POMP: variants seen among roughly 807,000 people sequenced by gnomAD.
The protein encoded by POMP is 2510048O06Rik.
A neutral mutation model predicts 20.6 loss-of-function variants in POMP; 12 were observed. That is an observed-to-expected ratio of 0.58 (90% CI 0.37 to 0.94). The LOEUF (loss-of-function observed/expected upper bound fraction) is 0.94. Among genes scored for constraint, POMP ranks in the 40% least tolerant of loss-of-function variants. The pLI is 0.01. For missense variants in POMP, 136 were observed against 161.1 expected (o/e 0.84, Z 0.84); for synonymous variants, 53 against 55.0 (o/e 0.96, Z 0.16).
At chr13:28,675,216 C>T (rs1884609420) in intron 5 of POMP, among the ~76,000 whole-genome samples, 1 of 151,770 alleles carries the variant, frequency 6.6e-6, no homozygotes, top group South Asian at 2.1e-4. Context: ...TCTCGGCTTA[C>T]TGTAACCTCC....
chr13:28,669,017 T>C (rs1453242453), intron 4 of POMP, among the ~76,000 whole-genome samples: 2 of 152,072 alleles, frequency 1.3e-5, no homozygotes, highest in Non-Finnish European at 2.9e-5. Flanking sequence ...GAAAATCCCT[T>C]TATCAATGAT....
chr13:28,659,668 C>T (rs957167626), intron 1 of POMP, among the ~76,000 whole-genome samples: 2 of 152,160 alleles, frequency 1.3e-5, no homozygotes, highest in Non-Finnish European at 2.9e-5. Flanking sequence ...TGTAACGCAG[C>T]TTTGCTCTAC....
intron 3 of POMP, 120 bp downstream of exon 3, chr13:28,664,689 C>T (rs550360789): frequency 3.1e-6 from 2 of 650,530 alleles, no homozygotes; most frequent in South Asian, 4.0e-5. Flanking sequence ...GAATATGAGG[C>T]GTTATTTTCA....
At chr13:28,667,139 A>G (rs1027935604) in intron 3 of POMP, among the ~76,000 whole-genome samples, 5 of 152,198 alleles carry the variant, frequency 3.3e-5, no homozygotes, top group African/African-American at 1.2e-4. Context: ...CACGGTTGCT[A>G]ACTTACATGT....
chr13:28,659,502 G>A (rs1884296440), intron 1 of POMP, among the ~76,000 whole-genome samples: 1 of 152,166 alleles, frequency 6.6e-6, no homozygotes, highest in South Asian at 2.1e-4. Flanking sequence ...AGTGGAAAAG[G>A]CAGCCGTGAA....
chr13:28,664,442 T>G, intron 2 of POMP, 67 bp from the exon 3 acceptor site: 70 of 1,073,078 alleles, frequency 6.5e-5, no homozygotes, highest in Non-Finnish European at 8.8e-5. Context: ...ATAGATATGA[T>G]TTTGAGCTCT....
In POMP at chr13:28,660,406, A is replaced by G. The variant is rs566684160; in HGVS notation, c.3+1219A>G. On this transcript the variant is annotated intron_variant, in intron 1 of 5. Transcript: ENST00000380842. ...TACTTTTTAATAAAGTAGGCTTTGT[A>G]TTAGATGATTTTGGCCGACTGTAGG... Among the ~76,000 whole-genome samples, 12 of 152,334 alleles carry G rather than the reference A, an allele frequency of 7.9e-5. No homozygotes were observed. The East Asian group carries it at 1.7e-3, about 22-fold the overall frequency.
chr13:28,665,203 C>T (rs1329811263), intron 3 of POMP, among the ~76,000 whole-genome samples: 1 of 152,070 alleles, frequency 6.6e-6, no homozygotes, highest in African/African-American at 2.4e-5. Context: ...GTCCAAAACA[C>T]AATTTAAAGG....
intron 4 of POMP, among the ~76,000 whole-genome samples, chr13:28,672,027 G>T (rs561437459): frequency 6.6e-6 from 1 of 152,280 alleles, no homozygotes; most frequent in African/African-American, 2.4e-5. Flanking sequence ...GGAATGAGGC[G>T]TGATGTTAAG....
chr13:28,661,346 G>A (rs1160749301), intron 1 of POMP, among the ~76,000 whole-genome samples: 2 of 152,084 alleles, frequency 1.3e-5, no homozygotes, highest in Admixed American at 6.5e-5. Flanking sequence ...CACGCCTGTA[G>A]TCCCAGCTAC....
intron 5 of POMP, 143 bp downstream of exon 5, chr13:28,672,575 A>G: frequency 1.4e-6 from 1 of 729,130 alleles, no homozygotes; most frequent in Non-Finnish European, 2.5e-6. Flanking sequence ...ATAAAGTTTA[A>G]TGGTAGTAAC....
intron 4 of POMP, 43 bp downstream of exon 4, chr13:28,668,617 A>G (rs755479067): frequency 9.2e-6 from 13 of 1,408,918 alleles, no homozygotes; most frequent in Non-Finnish European, 1.3e-5. Context: ...GATATCATTC[A>G]TGAGGAATCT....
intron 3 of POMP, 82 bp downstream of exon 3, chr13:28,664,651 A>G (rs1884409608): frequency 3.4e-6 from 3 of 877,702 alleles, no homozygotes; most frequent in Admixed American, 2.5e-5. Context: ...TATTAAAACA[A>G]TTTTGGTACT....
chr13:28,661,324 G>T (rs1458000002), intron 1 of POMP, among the ~76,000 whole-genome samples: 5 of 152,046 alleles, frequency 3.3e-5, no homozygotes, highest in African/African-American at 1.2e-4. Context: ...AAATTAGCCA[G>T]GCGTGATGTT....
At chr13:28,668,375 ATTC>A in intron 3 of POMP, 95 bp from the exon 4 acceptor site, 1 of 863,156 alleles carries the variant, frequency 1.2e-6, no homozygotes, top group Non-Finnish European at 1.9e-6. Flanking sequence ...GGATATTAAA[ATTC>A]TTCATCTAAC....
At chr13:28,675,204 G>A (rs755505086) in intron 5 of POMP, among the ~76,000 whole-genome samples, 9 of 151,442 alleles carry the variant, frequency 5.9e-5, no homozygotes, top group Admixed American at 2.0e-4. Context: ...GCAGTGGCGC[G>A]ATCTCGGCTT....
At position 28,662,467 on chromosome 13, in the gene POMP, G is replaced by A; in HGVS notation, c.61G>A (p.Ala21Thr). Residue 21 changes from alanine to threonine, a missense_variant, in exon 2 of 6, where the codon GCA (alanine) becomes ACA (threonine). By Grantham distance (58) the Ala-to-Thr change is moderately conservative. Transcript: ENST00000380842. ...CAGTATTCCAGTTACTGAACTTTCA[G>A]CAAGTGGACCTTTTGAAAGTCATGA... ...KDSIPVTELS[A>T]SGPFESHDLL... The A allele has an allele frequency of 6.2e-7, 1 of 1,613,900 alleles. No individual in the cohort carries two copies. The highest frequency in any genetic ancestry group is 8.5e-7 in the Non-Finnish European group (1 of 1,179,804).
At position 28,672,439 on chromosome 13, in the gene POMP, G is replaced by A; in HGVS notation, c.358+7G>A. The A allele has an allele frequency of 3.2e-6, 5 of 1,566,644 alleles. No individual in the cohort carries two copies. The highest frequency in any genetic ancestry group is 4.4e-6 in the Non-Finnish European group (5 of 1,137,042). ...TTTGAGGATATTCTTAATGGTAAGT[G>A]TCATTCAGCACCTTTTTATGGAGCC... On this transcript the variant is annotated splice_region_variant and intron_variant, in intron 5 of 5. Coordinates refer to ENST00000380842, the MANE Select transcript of POMP (RefSeq NM_015932.6).
chr13:28,675,524 T>C (rs1382090395), intron 5 of POMP, among the ~76,000 whole-genome samples: 3 of 152,186 alleles, frequency 2.0e-5, no homozygotes, highest in Admixed American at 2.0e-4. Context: ...GAACTGTTAT[T>C]GCATAATATA....
Sources: allele counts gnomAD v4.1 joint callset (sites outside exome capture counted in the v4.1 genomes callset), GRCh38; gene constraint gnomAD v4.1.1; transcripts MANE v1.5; gene names NCBI Gene and HGNC (gene_info 2026-07-23, HGNC 2026-07-21).